The following ATXN1 variants were observed in gnomAD, a reference collection of about 807,000 sequenced individuals.
ATXN1 encodes the protein ataxin 1.
A neutral mutation model predicts 56.4 loss-of-function variants in ATXN1; 8 were observed. That is an observed-to-expected ratio of 0.14 (90% CI 0.08 to 0.26). The LOEUF (loss-of-function observed/expected upper bound fraction) is 0.26. ATXN1 is among the 10% of genes least tolerant of loss of function. The pLI, the probability that ATXN1 is intolerant of heterozygous loss-of-function variation, is 1.00. For synonymous variants in ATXN1, 514 were observed against 494.6 expected, an observed-to-expected ratio of 1.04 and a Z score of -0.52; for missense variants, 987 against 1,106.5, an observed-to-expected ratio of 0.89 and a Z score of 1.53.
chr6:16,341,942 G>C (rs1250408107), intron 6 of ATXN1, among the ~76,000 whole-genome samples: 1 of 146,624 alleles, frequency 6.8e-6, no homozygotes, highest in African/African-American at 2.6e-5. Context: ...TGTGCAATGG[G>C]TGCAGTCTCG....
At chr6:16,347,888 C>T (rs1227981007) in intron 6 of ATXN1, among the ~76,000 whole-genome samples, 2 of 152,206 alleles carry the variant, frequency 1.3e-5, no homozygotes, top group East Asian at 1.9e-4. Context: ...TTCTTTTTGT[C>T]TTTGCAATAA....
At chr6:16,427,783 G>C (rs1270992451) in intron 6 of ATXN1, among the ~76,000 whole-genome samples, 1 of 152,202 alleles carries the variant, frequency 6.6e-6, no homozygotes, top group Non-Finnish European at 1.5e-5. Flanking sequence ...CTCATCACCA[G>C]TGTCTGCTGT....
At chr6:16,540,840 G>T (rs1407920576) in intron 4 of ATXN1, among the ~76,000 whole-genome samples, 1 of 152,122 alleles carries the variant, frequency 6.6e-6, no homozygotes, top group Non-Finnish European at 1.5e-5. Flanking sequence ...CTACTGAAAG[G>T]TGTTCAATAC....
intron 3 of ATXN1, among the ~76,000 whole-genome samples, chr6:16,608,503 T>C (rs929660172): frequency 6.6e-6 from 1 of 152,234 alleles, no homozygotes; most frequent in Non-Finnish European, 1.5e-5. Flanking sequence ...CCTTAAAATA[T>C]GTTGGCATTC....
intron 3 of ATXN1, among the ~76,000 whole-genome samples, chr6:16,590,859 T>C (rs904729586): frequency 6.6e-6 from 1 of 151,472 alleles, no homozygotes; most frequent in Non-Finnish European, 1.5e-5. Context: ...TTTTTTTTTT[T>C]GAAACATAGT....
intron 2 of ATXN1, among the ~76,000 whole-genome samples, chr6:16,710,724 A>G (rs1008045479): frequency 1.1e-4 from 17 of 151,802 alleles, no homozygotes; most frequent in African/African-American, 3.6e-4. Context: ...AGTAGATGGG[A>G]CTACAGGCAC....
At chr6:16,494,777 T>C (rs2237188) in intron 5 of ATXN1, among the ~76,000 whole-genome samples, 47,302 of 152,130 alleles carry the variant, frequency 0.31, 7,887 homozygotes, top group South Asian at 0.43. Context: ...TCTCAGGAAA[T>C]TAGTATTTTA....
chr6:16,428,932 C>T (rs977851849), intron 6 of ATXN1, among the ~76,000 whole-genome samples: 7 of 151,962 alleles, frequency 4.6e-5, no homozygotes, highest in African/African-American at 1.7e-4. Flanking sequence ...AGGATTTTGA[C>T]GGGCTGGGTC....
intron 6 of ATXN1, among the ~76,000 whole-genome samples, chr6:16,424,900 C>T (rs1759118111): frequency 6.6e-6 from 1 of 152,212 alleles, no homozygotes; most frequent in Non-Finnish European, 1.5e-5. Context: ...TGTTGCGTCT[C>T]CTCTGAGGAC....
At chr6:16,647,885 G>C (rs887036357) in intron 3 of ATXN1, among the ~76,000 whole-genome samples, 1 of 152,136 alleles carries the variant, frequency 6.6e-6, no homozygotes, top group African/African-American at 2.4e-5. Context: ...AGGCCATCCT[G>C]GCCAATACGG....
At chr6:16,355,984 C>G (rs1761677158) in intron 6 of ATXN1, among the ~76,000 whole-genome samples, 1 of 152,246 alleles carries the variant, frequency 6.6e-6, no homozygotes, top group South Asian at 2.1e-4. Flanking sequence ...TGACTCTGGG[C>G]ATGCCATTGG....
intron 3 of ATXN1, among the ~76,000 whole-genome samples, chr6:16,601,287 A>G (rs747503680): frequency 3.6e-4 from 55 of 152,260 alleles, no homozygotes; most frequent in Non-Finnish European, 6.9e-4. Context: ...TTTAGCCTAC[A>G]TCAAAAGCTA....
At chr6:16,695,228 C>A (rs1759139247) in intron 2 of ATXN1, among the ~76,000 whole-genome samples, 1 of 152,176 alleles carries the variant, frequency 6.6e-6, no homozygotes, top group African/African-American at 2.4e-5. Flanking sequence ...GACTTACAAT[C>A]TTTCTGAAAA....
intron 4 of ATXN1, among the ~76,000 whole-genome samples, chr6:16,559,870 A>G (rs1762083657): frequency 6.6e-6 from 1 of 152,122 alleles, no homozygotes; most frequent in African/African-American, 2.4e-5. Flanking sequence ...AAAAAAAATA[A>G]AGTTTTTTAA....
chr6:16,404,427 C>T (rs1054737495), intron 6 of ATXN1, among the ~76,000 whole-genome samples: 2 of 152,136 alleles, frequency 1.3e-5, no homozygotes, highest in Non-Finnish European at 2.9e-5. Flanking sequence ...CTTTCCCTCC[C>T]AGAGCCCCCA....
chr6:16,363,935 C>A (rs1270570781), intron 6 of ATXN1, among the ~76,000 whole-genome samples: 1 of 152,194 alleles, frequency 6.6e-6, no homozygotes, highest in Non-Finnish European at 1.5e-5. Flanking sequence ...AAATCCCAAC[C>A]TAAAATTGCT....
At chr6:16,612,711 C>A (rs1763131812) in intron 3 of ATXN1, among the ~76,000 whole-genome samples, 1 of 150,942 alleles carries the variant, frequency 6.6e-6, no homozygotes, top group African/African-American at 2.4e-5. Flanking sequence ...GCCAACATGG[C>A]AAAACTCCAT....
At chr6:16,591,136 TA>T (rs138843275) in intron 3 of ATXN1, among the ~76,000 whole-genome samples, 9,631 of 152,096 alleles carry the variant, frequency 0.063, 396 homozygotes, top group African/African-American at 0.12. Context: ...TTTAATTTTT[TA>T]GTAGAGACAG....
intron 5 of ATXN1, among the ~76,000 whole-genome samples, chr6:16,509,964 G>A (rs1021488571): frequency 8.5e-5 from 13 of 152,062 alleles, no homozygotes; most frequent in South Asian, 2.1e-4. Context: ...ACGCCTCCCC[G>A]CAATCCCTGT....
Sources: gnomAD v4.1 joint callset for allele counts (sites outside exome capture counted in the v4.1 genomes callset) on GRCh38, gnomAD v4.1.1 for gene constraint, MANE v1.5 for transcripts, NCBI Gene and HGNC (gene_info 2026-07-23, HGNC 2026-07-21) for gene names.